The following EFNA5 variants were observed in gnomAD, a reference collection of about 807,000 sequenced individuals.
EFNA5 encodes ephrin A5.
Under a neutral mutation model 22.9 loss-of-function variants are expected in EFNA5, and 5 were observed. The ratio of observed to expected loss-of-function variants is 0.22; its 90% CI spans 0.11 to 0.46. The LOEUF (loss-of-function observed/expected upper bound fraction) is 0.46, where lower values mean the gene tolerates loss of function less well. EFNA5 is among the 20% of genes least tolerant of loss of function. The probability of loss-of-function intolerance (pLI) is 0.99; values close to 1 mark genes in which losing one functional copy is unlikely to be tolerated. For missense variants in EFNA5, 237 were observed against 293.3 expected, an observed-to-expected ratio of 0.81 and a Z score of 1.40; for synonymous variants, 113 against 112.2, an observed-to-expected ratio of 1.01 and a Z score of -0.04.
chr5:107,379,972 G>A lies in EFNA5; in HGVS notation c.*1283C>T, dbSNP rs772375994. 3.3e-5 allele frequency: 5 copies of A among 152,084 alleles called. No homozygotes were observed. The highest frequency in any genetic ancestry group is 5.9e-5 in the Non-Finnish European group (4 of 68,010). 9.4% of individuals were successfully genotyped at this position (152,084 alleles called of 1,614,324 possible). On this transcript the variant is annotated 3_prime_UTR_variant, in exon 5 of 5. Coordinates refer to ENST00000333274, the MANE Select transcript of EFNA5 (RefSeq NM_001962.3). Reference sequence around the variant, plus strand: ...GTTTATCTCCCACAGATAAACACATGTTCCCCCTACGCTTTAGGCTGTGTC... The same window carrying A: ...GTTTATCTCCCACAGATAAACACATATTCCCCCTACGCTTTAGGCTGTGTC...
chr5:107,611,899 T>C (rs1749825005), intron 1 of EFNA5, among the ~76,000 whole-genome samples: 1 of 152,088 alleles, frequency 6.6e-6, no homozygotes, highest in Non-Finnish European at 1.5e-5. Flanking sequence ...ATGTAAGGAG[T>C]AGTTATTTCA....
At chr5:107,534,433 A>G (rs181340896) in intron 1 of EFNA5, among the ~76,000 whole-genome samples, 2 of 152,350 alleles carry the variant, frequency 1.3e-5, no homozygotes, top group African/African-American at 4.8e-5. Context: ...GCAAATGACA[A>G]TAAAGAATGT....
intron 1 of EFNA5, among the ~76,000 whole-genome samples, chr5:107,605,476 G>A (rs1413276006): frequency 6.6e-6 from 1 of 152,014 alleles, no homozygotes; most frequent in Non-Finnish European, 1.5e-5. Flanking sequence ...AACCTTATAG[G>A]AGCAATAAAC....
chr5:107,420,920 T>C (rs73777845), intron 2 of EFNA5, among the ~76,000 whole-genome samples: 2,228 of 152,286 alleles, frequency 0.015, 57 homozygotes, highest in African/African-American at 0.051. Flanking sequence ...AAAAACTATA[T>C]TCTGAATTCT....
At chr5:107,611,515 C>T (rs976971299) in intron 1 of EFNA5, among the ~76,000 whole-genome samples, 3 of 152,192 alleles carry the variant, frequency 2.0e-5, no homozygotes, top group East Asian at 3.8e-4. Flanking sequence ...GATGACCCTT[C>T]AAGTCCGGTA....
intron 1 of EFNA5, among the ~76,000 whole-genome samples, chr5:107,466,168 TAA>T (rs1361162719): frequency 6.6e-6 from 1 of 152,172 alleles, no homozygotes; most frequent in African/African-American, 2.4e-5. Flanking sequence ...AGCCCTTTGC[TAA>T]AAGAGTCTGC....
intron 2 of EFNA5, among the ~76,000 whole-genome samples, chr5:107,394,132 A>C (rs1337688184): frequency 6.6e-6 from 1 of 152,186 alleles, no homozygotes; most frequent in African/African-American, 2.4e-5. Flanking sequence ...AATACATCTC[A>C]CTCATTCTAA....
chr5:107,499,148 A>G (rs1032446763), intron 1 of EFNA5, among the ~76,000 whole-genome samples: 1 of 152,214 alleles, frequency 6.6e-6, no homozygotes, highest in Non-Finnish European at 1.5e-5. Flanking sequence ...ACAAATATAT[A>G]TAGGAAGATG....
intron 1 of EFNA5, among the ~76,000 whole-genome samples, chr5:107,569,824 C>T (rs1748756752): frequency 7.3e-6 from 1 of 136,344 alleles, no homozygotes; most frequent in Admixed American, 7.3e-5. Context: ...GCCACTCCAG[C>T]CTGGGAGACC....
intron 1 of EFNA5, among the ~76,000 whole-genome samples, chr5:107,501,846 C>T (rs1381142498): frequency 7.2e-5 from 11 of 152,020 alleles, no homozygotes; most frequent in Admixed American, 7.2e-4. Context: ...CAAAAAACGG[C>T]CATAAGGTCA....
chr5:107,619,119 GT>G (rs1401271744), intron 1 of EFNA5, among the ~76,000 whole-genome samples: 1 of 151,928 alleles, frequency 6.6e-6, no homozygotes, highest in Non-Finnish European at 1.5e-5. Context: ...TAGAGACGGG[GT>G]TTCGCTGTGT....
chr5:107,461,076 A>C (rs949863573), intron 1 of EFNA5, among the ~76,000 whole-genome samples: 1 of 152,134 alleles, frequency 6.6e-6, no homozygotes, highest in African/African-American at 2.4e-5. Context: ...GGGAAATTTC[A>C]AATTCTGACC....
Position 107,670,512 on chromosome 5 carries a change from G to A in EFNA5, c.102C>T (p.Val34=), listed in dbSNP as rs199980747. ...ACCTGGGGTTGCTGCTGTTCCAGTA[G>A]ACAGCGTAGCGGTCGGCGACGGCCT... The part of the protein sequence containing the change: ...GSKAVADRYA[V]YWNSSNPRFQ... The change falls in exon 1 of 5, where the codon GTC becomes GTT. Residue 34 remains valine (V), a synonymous_variant. Coordinates refer to ENST00000333274, the MANE Select transcript of EFNA5 (RefSeq NM_001962.3). 8.2e-5 allele frequency: 129 copies of A among 1,574,448 alleles called. No homozygotes were observed. The East Asian group carries it at 1.3e-3, about 16-fold the overall frequency.
chr5:107,482,323 T>G (rs964793366), intron 1 of EFNA5, among the ~76,000 whole-genome samples: 1 of 134,502 alleles, frequency 7.4e-6, no homozygotes, highest in Admixed American at 7.4e-5. Flanking sequence ...AAAAAAAAAA[T>G]GCTATTTTTG....
At chr5:107,591,844 A>T (rs187355) in intron 1 of EFNA5, among the ~76,000 whole-genome samples, 50 of 83,410 alleles carry the variant, frequency 6.0e-4, no homozygotes, top group Non-Finnish European at 1.0e-3. Flanking sequence ...TATATATATA[A>T]AATATATATA....
intron 1 of EFNA5, among the ~76,000 whole-genome samples, chr5:107,567,223 G>T (rs1462109049): frequency 6.6e-6 from 1 of 152,176 alleles, no homozygotes; most frequent in East Asian, 1.9e-4. Flanking sequence ...AAAAAAAAAG[G>T]TCCCCACAGA....
chr5:107,496,537 C>T (rs562803512), intron 1 of EFNA5, among the ~76,000 whole-genome samples: 6 of 138,852 alleles, frequency 4.3e-5, no homozygotes, highest in Admixed American at 2.8e-4. Context: ...ACAACGCTAC[C>T]TACATGTTTG....
chr5:107,555,297 T>C (rs910625812), intron 1 of EFNA5, among the ~76,000 whole-genome samples: 3 of 152,150 alleles, frequency 2.0e-5, no homozygotes, highest in African/African-American at 7.2e-5. Flanking sequence ...CATCACCCAT[T>C]AATCTATTTG....
intron 1 of EFNA5, among the ~76,000 whole-genome samples, chr5:107,590,425 T>G (rs1191593561): frequency 6.6e-6 from 1 of 152,042 alleles, no homozygotes; most frequent in Non-Finnish European, 1.5e-5. Flanking sequence ...AGTCTCACTC[T>G]GTCACCCAGG....
Sources: gnomAD v4.1 joint callset for allele counts (sites outside exome capture counted in the v4.1 genomes callset) on GRCh38, gnomAD v4.1.1 for gene constraint, MANE v1.5 for transcripts, NCBI Gene and HGNC (gene_info 2026-07-23, HGNC 2026-07-21) for gene names.